The following AKAP7 variants were observed in gnomAD, a reference collection of about 807,000 sequenced individuals.
The protein encoded by AKAP7 is A-kinase anchoring protein 7.
AKAP7 carries 39 observed loss-of-function variants against 39.5 expected under a neutral mutation model. The observed-to-expected ratio is 0.99, with a 90% CI of 0.76 to 1.29. The LOEUF (loss-of-function observed/expected upper bound fraction) is 1.29, where lower values mean the gene tolerates loss of function less well. Among genes scored for constraint, AKAP7 ranks in the 50% most tolerant of loss-of-function variants. AKAP7 has a pLI of 0.00. For synonymous variants in AKAP7, 140 were observed against 139.1 expected (o/e 1.01, Z -0.05); for missense variants, 414 against 407.7 (o/e 1.02, Z -0.13).
chr6:131,267,033 C>A lies in AKAP7; in HGVS notation c.851-14497C>A, dbSNP rs191031896. 1.6e-3 allele frequency among the ~76,000 whole-genome samples: 243 copies of A among 150,942 alleles called. 2 individuals are homozygous for A. The highest frequency in any genetic ancestry group is 0.015 in the Admixed American group (233 of 15,080). On this transcript the variant is annotated intron_variant, in intron 7 of 7. Coordinates refer to ENST00000431975, the MANE Select transcript of AKAP7 (RefSeq NM_016377.4). The stretch of plus-strand genomic sequence containing the variant: ...TGCTAGCTGAATAATTAGAAAAATT[C>A]ACAGGGTAAACCATATTCTACTCAC...
chr6:131,213,400 T>C (rs184137563), intron 6 of AKAP7, among the ~76,000 whole-genome samples: 1 of 152,316 alleles, frequency 6.6e-6, no homozygotes, highest in African/African-American at 2.4e-5. Context: ...GGAAACATAA[T>C]AGATTAAGTT....
chr6:131,148,239 T>C (rs1235449979), intron 2 of AKAP7, among the ~76,000 whole-genome samples: 1 of 152,240 alleles, frequency 6.6e-6, no homozygotes, highest in African/African-American at 2.4e-5. Flanking sequence ...TTAACTAATA[T>C]ATACGCTTTT....
intron 7 of AKAP7, among the ~76,000 whole-genome samples, chr6:131,248,219 A>G (rs1381637867): frequency 1.3e-5 from 2 of 152,112 alleles, no homozygotes; most frequent in African/African-American, 4.8e-5. Flanking sequence ...CCCATCAAAT[A>G]CTATTTTGCA....
chr6:131,164,811 A>G (rs560243039), intron 3 of AKAP7, among the ~76,000 whole-genome samples: 3 of 152,272 alleles, frequency 2.0e-5, no homozygotes, highest in East Asian at 1.9e-4. Flanking sequence ...TCAGATAGCA[A>G]TCTGATCTGC....
At chr6:131,184,527 T>C (rs568524999) in intron 5 of AKAP7, 4 of 706,558 alleles carry the variant, frequency 5.7e-6, no homozygotes, top group Admixed American at 5.4e-5. Flanking sequence ...TTGTGCTCGA[T>C]GCATTGCCAG....
intron 5 of AKAP7, among the ~76,000 whole-genome samples, chr6:131,171,320 G>A (rs144709987): frequency 6.6e-6 from 1 of 152,228 alleles, no homozygotes; most frequent in African/African-American, 2.4e-5. Context: ...AGAAGGGGGC[G>A]GATTGAGGAA....
intron 4 of AKAP7, 91 bp downstream of exon 4, chr6:131,165,308 T>G: frequency 1.1e-6 from 1 of 900,654 alleles, no homozygotes; most frequent in East Asian, 2.7e-5. Context: ...ATTCTAAATT[T>G]TAAAGAAGTA....
At chr6:131,226,634 A>AT (rs1447197772) in intron 7 of AKAP7, among the ~76,000 whole-genome samples, 6 of 152,240 alleles carry the variant, frequency 3.9e-5, no homozygotes, top group Non-Finnish European at 7.3e-5. Flanking sequence ...TCCCTTGGGA[A>AT]TGTAAATGAC....
intron 1 of AKAP7, among the ~76,000 whole-genome samples, chr6:131,143,714 T>A (rs1413445458): frequency 6.6e-6 from 1 of 152,112 alleles, no homozygotes; most frequent in African/African-American, 2.4e-5. Flanking sequence ...TGGCCTATCA[T>A]CATAGCCATG....
At chr6:131,249,919 A>ATG (rs1474017819) in intron 7 of AKAP7, among the ~76,000 whole-genome samples, 1 of 151,964 alleles carries the variant, frequency 6.6e-6, no homozygotes, top group Non-Finnish European at 1.5e-5. Flanking sequence ...TTTAAAAGAT[A>ATG]TGCCGTACCG....
chr6:131,188,816 GTACTGGGAT>G (rs1354519493), intron 5 of AKAP7, among the ~76,000 whole-genome samples: 1 of 151,628 alleles, frequency 6.6e-6, no homozygotes, highest in Non-Finnish European at 1.5e-5. Flanking sequence ...GCCTCCCAGA[GTACTGGGAT>G]TATAGGCATG....
upstream of AKAP7, among the ~76,000 whole-genome samples, chr6:131,133,919 T>A (rs551725262): frequency 6.6e-6 from 1 of 152,312 alleles, no homozygotes; most frequent in Admixed American, 6.5e-5. Context: ...GGGTTTGTTA[T>A]GCAGGTAAGA....
At chr6:131,144,633 G>T (rs1801332534) in intron 1 of AKAP7, among the ~76,000 whole-genome samples, 1 of 151,982 alleles carries the variant, frequency 6.6e-6, no homozygotes, top group Non-Finnish European at 1.5e-5. Context: ...TCCACCCAAG[G>T]TATATGATTG....
intron 5 of AKAP7, among the ~76,000 whole-genome samples, chr6:131,183,265 A>G (rs1363813747): frequency 1.3e-5 from 2 of 152,168 alleles, no homozygotes; most frequent in Non-Finnish European, 2.9e-5. Context: ...TGTCAGTGCC[A>G]CTAAGCAGAA....
At chr6:131,257,229 T>G (rs950107652) in intron 7 of AKAP7, among the ~76,000 whole-genome samples, 4 of 151,952 alleles carry the variant, frequency 2.6e-5, no homozygotes, top group Non-Finnish European at 4.4e-5. Flanking sequence ...CAGTAAGAAG[T>G]CAGCTTGAGC....
At chr6:131,241,607 G>GTATATATACATATATATATATA in intron 7 of AKAP7, among the ~76,000 whole-genome samples, 1 of 130,050 alleles carries the variant, frequency 7.7e-6, no homozygotes, top group Non-Finnish European at 1.7e-5. Context: ...GTGTGTGTGT[G>GTATATATACATATATATATATA]TGTGTGTGTG....
chr6:131,157,225 A>G (rs1250141205), intron 2 of AKAP7, among the ~76,000 whole-genome samples: 2 of 152,202 alleles, frequency 1.3e-5, no homozygotes, highest in African/African-American at 4.8e-5. Context: ...AACTGACTCA[A>G]TCCTCAAAAA....
intron 3 of AKAP7, chr6:131,164,602 G>A: frequency 2.9e-6 from 1 of 345,216 alleles, no homozygotes; most frequent in Non-Finnish European, 5.8e-6. Flanking sequence ...AAGGCCATGA[G>A]GAACGGGTTC....
chr6:131,207,261 C>G (rs1808194252), intron 6 of AKAP7, among the ~76,000 whole-genome samples: 1 of 151,706 alleles, frequency 6.6e-6, no homozygotes. Flanking sequence ...AATCTTTTCA[C>G]TTGTCCTCCT....
Sources: gnomAD v4.1 joint callset for allele counts (sites outside exome capture counted in the v4.1 genomes callset) on GRCh38, gnomAD v4.1.1 for gene constraint, MANE v1.5 for transcripts, NCBI Gene and HGNC (gene_info 2026-07-23, HGNC 2026-07-21) for gene names.